Variants in PDE3A observed in about 807,000 individuals in gnomAD.
PDE3A encodes cGMP-inhibited 3',5'-cyclic phosphodiesterase 3A.
Under a neutral mutation model 98.3 loss-of-function variants are expected in PDE3A, and 43 were observed. The ratio of observed to expected loss-of-function variants is 0.44; its 90% CI spans 0.34 to 0.56. The LOEUF (loss-of-function observed/expected upper bound fraction) is 0.56, where lower values mean the gene tolerates loss of function less well. PDE3A is among the 20% of genes least tolerant of loss of function. The probability of loss-of-function intolerance (pLI) is 0.01; values close to 1 mark genes in which losing one functional copy is unlikely to be tolerated. For synonymous variants in PDE3A, 663 were observed against 567.9 expected (o/e 1.17, Z -2.38); for missense variants, 1,427 against 1,440.7 (o/e 0.99, Z 0.15).
chr12:20,489,444 A>C (rs993542205), intron 1 of PDE3A, among the ~76,000 whole-genome samples: 5 of 152,202 alleles, frequency 3.3e-5, no homozygotes, highest in African/African-American at 1.2e-4. Context: ...GATTTAAAAA[A>C]CATTGTTTTG....
At chr12:20,550,463 A>G (rs1942168666) in intron 1 of PDE3A, among the ~76,000 whole-genome samples, 1 of 152,156 alleles carries the variant, frequency 6.6e-6, no homozygotes, top group Admixed American at 6.5e-5. Flanking sequence ...ATGTTTCTAA[A>G]TCATACTACT....
chr12:20,624,903 G>A (rs1363125726), intron 5 of PDE3A, among the ~76,000 whole-genome samples: 1 of 152,180 alleles, frequency 6.6e-6, no homozygotes, highest in African/African-American at 2.4e-5. Flanking sequence ...TCCATGGAAA[G>A]AAGCTGGGAA....
At chr12:20,528,920 A>C (rs1478977831) in intron 1 of PDE3A, among the ~76,000 whole-genome samples, 1 of 152,192 alleles carries the variant, frequency 6.6e-6, no homozygotes, top group Non-Finnish European at 1.5e-5. Flanking sequence ...AGTGTTAATA[A>C]GAATAATATT....
At chr12:20,615,843 A>G (rs1413568772) in intron 3 of PDE3A, among the ~76,000 whole-genome samples, 1 of 152,026 alleles carries the variant, frequency 6.6e-6, no homozygotes, top group Non-Finnish European at 1.5e-5. Context: ...CTCCTGCCTC[A>G]GCCTCCCGAG....
At chr12:20,494,528 A>G (rs1945883632) in intron 1 of PDE3A, among the ~76,000 whole-genome samples, 2 of 151,772 alleles carry the variant, frequency 1.3e-5, no homozygotes, top group South Asian at 4.2e-4. Flanking sequence ...AGTGTTATGT[A>G]TGTGTGTCTC....
intron 1 of PDE3A, among the ~76,000 whole-genome samples, chr12:20,550,056 C>T (rs1382739276): frequency 1.3e-5 from 2 of 152,172 alleles, no homozygotes; most frequent in Non-Finnish European, 2.9e-5. Flanking sequence ...CAGTGAATTA[C>T]ATGCTTTCCT....
chr12:20,435,248 A>G (rs1944760693), intron 1 of PDE3A, among the ~76,000 whole-genome samples: 1 of 152,166 alleles, frequency 6.6e-6, no homozygotes. Context: ...TTTTCATTCC[A>G]TTACTAACAT....
At chr12:20,435,278 T>A (rs2120818408) in intron 1 of PDE3A, among the ~76,000 whole-genome samples, 1 of 152,306 alleles carries the variant, frequency 6.6e-6, no homozygotes, top group Admixed American at 6.5e-5. Context: ...CTGACTAGCA[T>A]TTGTATTCAG....
At chr12:20,673,102 CTCA>C (rs1459686917) in intron 15 of PDE3A, among the ~76,000 whole-genome samples, 1 of 151,966 alleles carries the variant, frequency 6.6e-6, no homozygotes, top group Non-Finnish European at 1.5e-5. Flanking sequence ...TGAAAAAATG[CTCA>C]TCATCACTGG....
intron 2 of PDE3A, among the ~76,000 whole-genome samples, chr12:20,600,524 T>G (rs1277505481): frequency 1.3e-5 from 2 of 152,194 alleles, no homozygotes; most frequent in Non-Finnish European, 2.9e-5. Flanking sequence ...CACTGTGTAC[T>G]TCACCTGAGC....
intron 2 of PDE3A, among the ~76,000 whole-genome samples, chr12:20,563,995 A>C: frequency 6.6e-6 from 1 of 152,156 alleles, no homozygotes; most frequent in East Asian, 1.9e-4. Context: ...GTTTTTAGCA[A>C]ATCTATCATA....
chr12:20,669,863 T>C (rs1945424231), intron 15 of PDE3A, among the ~76,000 whole-genome samples: 1 of 151,626 alleles, frequency 6.6e-6, no homozygotes, highest in African/African-American at 2.4e-5. Flanking sequence ...TAACTTTAAA[T>C]GTAAATGGAC....
chr12:20,663,415 G>A (rs925829785), intron 15 of PDE3A, among the ~76,000 whole-genome samples: 3 of 152,122 alleles, frequency 2.0e-5, no homozygotes, highest in Non-Finnish European at 4.4e-5. Flanking sequence ...AAAAGCCACA[G>A]GCAGTCAATG....
chr12:20,461,346 G>T (rs1246198650), intron 1 of PDE3A, among the ~76,000 whole-genome samples: 2 of 151,432 alleles, frequency 1.3e-5, no homozygotes, highest in Non-Finnish European at 2.9e-5. Context: ...GTATTACTGA[G>T]TTTCCATTTA....
At position 20,370,100 on chromosome 12, in the gene PDE3A, G is replaced by C. The variant is rs761707604; in HGVS notation, c.816G>C (p.Gly272=). The C allele has an allele frequency of 1.7e-5, 27 of 1,613,148 alleles. 1 individual carries two copies. The South Asian group carries it at 2.7e-4, about 16-fold the overall frequency. The change falls in exon 1 of 16, where the codon GGG becomes GGC. Residue 272 remains glycine (G), a synonymous_variant. Transcript: ENST00000359062. Reference sequence around the variant, plus strand: ...AGGCGGCTCCAAGGGAGCATTTGGGGTCCCAGCTGATTGCTGGGACCAAGG... The same window carrying C: ...AGGCGGCTCCAAGGGAGCATTTGGGCTCCCAGCTGATTGCTGGGACCAAGG... ...SAEAAPREHL[G]SQLIAGTKED...
chr12:20,509,713 C>T (rs770717758), intron 1 of PDE3A, among the ~76,000 whole-genome samples: 18 of 151,926 alleles, frequency 1.2e-4, no homozygotes, highest in African/African-American at 2.9e-4. Flanking sequence ...GTTTTCCTTC[C>T]GGATGTTAAA....
chr12:20,475,367 C>A (rs202071492), intron 1 of PDE3A, among the ~76,000 whole-genome samples: 3 of 152,046 alleles, frequency 2.0e-5, no homozygotes, highest in Non-Finnish European at 2.9e-5. Context: ...CTTAGTAAAG[C>A]GTTTTAAAAA....
chr12:20,462,218 C>T lies in PDE3A; in HGVS notation c.960+91974C>T, dbSNP rs146959497. Reference sequence around the variant, plus strand: ...AAATTGAACTACTAGAGGCCAGGCGCGGTGGCTTATGCCTGTAATCCCAGC... The same window carrying T: ...AAATTGAACTACTAGAGGCCAGGCGTGGTGGCTTATGCCTGTAATCCCAGC... On this transcript the variant is annotated intron_variant, in intron 1 of 15. Coordinates refer to ENST00000359062, the MANE Select transcript of PDE3A (RefSeq NM_000921.5). 1.2e-3 allele frequency among the ~76,000 whole-genome samples: 184 copies of T among 152,260 alleles called. 1 individual carries two copies. The highest frequency in any genetic ancestry group is 4.2e-3 in the African/African-American group (176 of 41,554).
At chr12:20,421,872 TC>T (rs1275418588) in intron 1 of PDE3A, among the ~76,000 whole-genome samples, 1 of 152,196 alleles carries the variant, frequency 6.6e-6, no homozygotes, top group Non-Finnish European at 1.5e-5. Flanking sequence ...AAATTCAAGC[TC>T]TGAGAATAGC....
Sources: allele counts gnomAD v4.1 joint callset (sites outside exome capture counted in the v4.1 genomes callset), GRCh38; gene constraint gnomAD v4.1.1; transcripts MANE v1.5; gene names NCBI Gene and HGNC (gene_info 2026-07-23, HGNC 2026-07-21).